Variants in PLXDC2 observed in about 807,000 individuals in gnomAD.
PLXDC2 encodes plexin domain-containing protein 2.
Under a neutral mutation model 68.9 loss-of-function variants are expected in PLXDC2, and 40 were observed. The observed-to-expected ratio is 0.58, with a 90% CI of 0.45 to 0.76. PLXDC2 has a LOEUF of 0.76. Among genes scored for constraint, PLXDC2 ranks in the 30% least tolerant of loss-of-function variants. The probability of loss-of-function intolerance (pLI) is 0.00; values close to 1 mark genes in which losing one functional copy is unlikely to be tolerated. For missense variants in PLXDC2, 644 were observed against 661.9 expected, an observed-to-expected ratio of 0.97 and a Z score of 0.30; for synonymous variants, 243 against 234.2, an observed-to-expected ratio of 1.04 and a Z score of -0.34.
intron 1 of PLXDC2, among the ~76,000 whole-genome samples, chr10:19,943,671 T>C (rs1833855457): frequency 6.6e-6 from 1 of 152,208 alleles, no homozygotes; most frequent in South Asian, 2.1e-4. Flanking sequence ...CCTTTTCCCT[T>C]GTACCCTAAA....
intron 2 of PLXDC2, among the ~76,000 whole-genome samples, chr10:20,023,754 C>T (rs1835352050): frequency 8.0e-6 from 1 of 124,834 alleles, no homozygotes. Context: ...TTATAGGCAG[C>T]CACTTTCAAA....
rs1564597101 is a variant in PLXDC2 at position 19,816,509 on chromosome 10, C to A, written c.-571C>A. On this transcript the variant is annotated 5_prime_UTR_variant, in exon 1 of 14. Transcript: ENST00000377252. The stretch of plus-strand genomic sequence containing the variant: ...TCCTCCGGCTGCGAGAAAGGACGCG[C>A]GCCCTGCGTCGGGCGAAGAAAAGAA... The A allele has an allele frequency of 6.6e-6, 1 of 152,130 alleles. No homozygotes were observed. 9.4% of individuals were successfully genotyped at this position (152,130 alleles called of 1,614,324 possible). A position where few individuals can be genotyped will look rare whatever the true frequency, so the allele number is the denominator to read the frequency against.
At chr10:19,960,111 G>A (rs182930320) in intron 1 of PLXDC2, among the ~76,000 whole-genome samples, 1 of 150,044 alleles carries the variant, frequency 6.7e-6, no homozygotes, top group Admixed American at 6.7e-5. Flanking sequence ...ACATCTCAGT[G>A]CTTTGGGGGG....
intron 2 of PLXDC2, among the ~76,000 whole-genome samples, chr10:20,046,449 A>C (rs891385499): frequency 3.3e-5 from 5 of 152,116 alleles, no homozygotes; most frequent in Admixed American, 2.0e-4. Context: ...TTTTAGTCAC[A>C]AGGCAAAATC....
intron 1 of PLXDC2, among the ~76,000 whole-genome samples, chr10:19,883,176 A>G (rs1400401737): frequency 2.6e-5 from 4 of 151,918 alleles, no homozygotes; most frequent in Non-Finnish European, 5.9e-5. Flanking sequence ...GTTAGCCAGG[A>G]TGGTCTCGAT....
intron 1 of PLXDC2, among the ~76,000 whole-genome samples, chr10:19,875,869 T>C (rs1027855408): frequency 1.3e-5 from 2 of 152,232 alleles, no homozygotes; most frequent in African/African-American, 4.8e-5. Flanking sequence ...ATGTAAAATA[T>C]GGGACATTTT....
At chr10:19,956,347 A>T (rs1473535049) in intron 1 of PLXDC2, among the ~76,000 whole-genome samples, 1 of 152,134 alleles carries the variant, frequency 6.6e-6, no homozygotes, top group African/African-American at 2.4e-5. Flanking sequence ...TTTTATATTG[A>T]CTGCATGTTA....
chr10:20,167,268 T>G (rs1306325486), intron 7 of PLXDC2, among the ~76,000 whole-genome samples: 1 of 152,198 alleles, frequency 6.6e-6, no homozygotes, highest in Non-Finnish European at 1.5e-5. Context: ...CTGTGTCTGT[T>G]GCATGAGCTT....
chr10:20,012,782 A>G (rs953355501), intron 2 of PLXDC2, among the ~76,000 whole-genome samples: 4 of 152,212 alleles, frequency 2.6e-5, no homozygotes, highest in Admixed American at 2.0e-4. Flanking sequence ...TTTAGAATGA[A>G]AAGAGACTGC....
chr10:20,012,331 TTTTGG>T (rs1192182972), intron 2 of PLXDC2, among the ~76,000 whole-genome samples: 228 of 19,396 alleles, frequency 0.012, 49 homozygotes, highest in South Asian at 0.057. Context: ...TTTTTTTTTT[TTTTGG>T]AGAAGGAGAC....
At chr10:20,232,215 A>G (rs1451572799) in intron 12 of PLXDC2, among the ~76,000 whole-genome samples, 1 of 152,172 alleles carries the variant, frequency 6.6e-6, no homozygotes, top group Non-Finnish European at 1.5e-5. Context: ...ACACTACACA[A>G]CACTAATATT....
chr10:20,170,262 C>G (rs1201097902), intron 7 of PLXDC2, among the ~76,000 whole-genome samples: 1 of 152,166 alleles, frequency 6.6e-6, no homozygotes, highest in African/African-American at 2.4e-5. Flanking sequence ...ACGATCTTGG[C>G]TCACTGCAAC....
chr10:20,128,603 A>G (rs1214685729), intron 4 of PLXDC2, among the ~76,000 whole-genome samples: 1 of 152,112 alleles, frequency 6.6e-6, no homozygotes, highest in Non-Finnish European at 1.5e-5. Flanking sequence ...GATCTCCAGA[A>G]CTTTATTATT....
chr10:20,234,183 C>A (rs539847758), intron 12 of PLXDC2, among the ~76,000 whole-genome samples: 35 of 152,178 alleles, frequency 2.3e-4, no homozygotes, highest in Middle Eastern at 6.8e-3. Flanking sequence ...TGAATCCCAT[C>A]CCCCAACACT....
chr10:20,098,871 G>A (rs1291599037), intron 4 of PLXDC2, among the ~76,000 whole-genome samples: 1 of 152,128 alleles, frequency 6.6e-6, no homozygotes, highest in Non-Finnish European at 1.5e-5. Flanking sequence ...AATAGGAATG[G>A]CTAACATTTT....
rs1836059151 is a variant in PLXDC2 at position 20,279,900 on chromosome 10, A to G, written c.*81A>G. On this transcript the variant is annotated 3_prime_UTR_variant, in exon 14 of 14. Transcript: ENST00000377252. ...TTGCCTATACCTTTAAGACAAACAA[A>G]CAAACACACACACAAACAAGCTCTA... is the stretch of plus-strand genomic sequence containing the variant. 1 of 980,330 alleles carries G rather than the reference A, an allele frequency of 1.0e-6. No individual in the cohort carries two copies. Among genetic ancestry groups the G allele is most frequent in the Admixed American group, 1.8e-5 (1 of 54,136 alleles). 60.7% of individuals were successfully genotyped at this position (980,330 alleles called of 1,614,324 possible).
intron 2 of PLXDC2, among the ~76,000 whole-genome samples, chr10:20,003,593 G>T (rs1354941568): frequency 6.6e-6 from 1 of 151,952 alleles, no homozygotes; most frequent in Non-Finnish European, 1.5e-5. Context: ...CCACCACACC[G>T]GCTAATTTTT....
At chr10:20,247,263 C>T (rs1280921501) in intron 13 of PLXDC2, among the ~76,000 whole-genome samples, 1 of 138,862 alleles carries the variant, frequency 7.2e-6, no homozygotes, top group Non-Finnish European at 1.5e-5. Context: ...AGTTTGGGAC[C>T]AGCCTGGGCA....
chr10:20,072,364 C>CT (rs1233278824), intron 4 of PLXDC2, among the ~76,000 whole-genome samples: 2 of 119,532 alleles, frequency 1.7e-5, no homozygotes, highest in African/African-American at 6.5e-5. Context: ...GAGCAAAACT[C>CT]TATCAAAAAA....
Sources: allele counts gnomAD v4.1 joint callset (sites outside exome capture counted in the v4.1 genomes callset), GRCh38; gene constraint gnomAD v4.1.1; transcripts MANE v1.5; gene names NCBI Gene and HGNC (gene_info 2026-07-23, HGNC 2026-07-21).